The following CNOT1 variants were observed in gnomAD, a reference collection of about 807,000 sequenced individuals.
The protein encoded by CNOT1 is CCR4-associated factor 1.
A neutral mutation model predicts 273.8 loss-of-function variants in CNOT1; 15 were observed. The observed-to-expected ratio is 0.05, with a 90% CI of 0.04 to 0.08. The LOEUF (loss-of-function observed/expected upper bound fraction) is 0.08. Among genes scored for constraint, CNOT1 ranks in the 10% least tolerant of loss-of-function variants. CNOT1 has a pLI of 1.00. For synonymous variants in CNOT1, 1,022 were observed against 1,005.5 expected (o/e 1.02, Z -0.31); for missense variants, 1,644 against 2,912.2 (o/e 0.56, Z 10.02).
intron 16 of CNOT1, among the ~76,000 whole-genome samples, chr16:58,565,538 T>C (rs1203241918): frequency 6.6e-6 from 1 of 152,244 alleles, no homozygotes. Flanking sequence ...ATTCCCACAA[T>C]GCTCTTCAAA....
chr16:58,607,275 C>T (rs2152025981), intron 1 of CNOT1, among the ~76,000 whole-genome samples: 1 of 152,198 alleles, frequency 6.6e-6, no homozygotes, highest in East Asian at 1.9e-4. Flanking sequence ...AGATGGCTGG[C>T]CAGGACTAGG....
intron 1 of CNOT1, among the ~76,000 whole-genome samples, chr16:58,609,319 C>T (rs903968698): frequency 1.3e-5 from 2 of 151,866 alleles, no homozygotes; most frequent in Non-Finnish European, 2.9e-5. Context: ...TTGCAGTGAG[C>T]CAAGCTCTTG....
intron 11 of CNOT1, 104 bp from the exon 12 acceptor site, chr16:58,580,864 C>A (rs545714009): frequency 2.0e-4 from 219 of 1,103,612 alleles, no homozygotes; most frequent in Admixed American, 7.2e-4. Context: ...ATTAGCATGG[C>A]AATTTCCCGT....
intron 16 of CNOT1, 51 bp downstream of exon 16, chr16:58,574,558 A>G (rs374226475): frequency 2.7e-6 from 4 of 1,498,306 alleles, no homozygotes; most frequent in Non-Finnish European, 3.6e-6. Flanking sequence ...GTCTACAATT[A>G]TTCATATAAT....
chr16:58,558,844 TTTC>T (rs545938874), intron 17 of CNOT1, among the ~76,000 whole-genome samples, 170 bp from the exon 18 acceptor site: 6 of 152,358 alleles, frequency 3.9e-5, no homozygotes, highest in Middle Eastern at 3.4e-3. Context: ...GTCAGTCACT[TTTC>T]TTACTGTGTC....
intron 45 of CNOT1, among the ~76,000 whole-genome samples, chr16:58,525,664 C>T (rs1431793805): frequency 6.6e-6 from 1 of 152,182 alleles, no homozygotes; most frequent in Non-Finnish European, 1.5e-5. Flanking sequence ...AGTTGCATGG[C>T]ATATACAGAC....
chr16:58,593,281 C>T (rs1411997087), intron 2 of CNOT1, among the ~76,000 whole-genome samples: 1 of 151,984 alleles, frequency 6.6e-6, no homozygotes. Context: ...AAAAATTGGC[C>T]GGGCGCAGTG....
At chr16:58,587,177 A>G (rs1251783242) in intron 6 of CNOT1, 24 bp downstream of exon 6, 3 of 1,609,428 alleles carry the variant, frequency 1.9e-6, no homozygotes, top group African/African-American at 2.7e-5. Flanking sequence ...TCACTTCGTG[A>G]TATTTTTGGA....
At position 58,542,433 on chromosome 16, in the gene CNOT1, C is replaced by G; in HGVS notation, c.4570G>C (p.Ala1524Pro). 6.2e-7 allele frequency: 1 copy of G among 1,614,086 alleles called. No homozygotes were observed. Among genetic ancestry groups the G allele is most frequent in the Non-Finnish European group, 8.5e-7 (1 of 1,180,006 alleles). ...KAGPEMDKRL[A>P]TEFELRKHAR... ...GGCAAATTCTAAACACTTACAGTTG[C>G]TAATCTCTTGTCCATCTCAGGGCCT... The change falls in exon 32 of 49, where the codon GCA becomes CCA. Residue 1524 changes from alanine (A) to proline (P), a missense_variant. Ala to Pro is a conservative substitution (Grantham distance 27). Coordinates refer to ENST00000317147, the MANE Select transcript of CNOT1 (RefSeq NM_016284.5).
In CNOT1 at chr16:58,581,207, T is replaced by C. The variant is rs977849368; in HGVS notation, c.1215+138A>G. ...TATGATAATATTCCTTCAATACTTA[T>C]GGACAGTCCTTGCTTTTCTGTGCTA... On this transcript the variant is annotated intron_variant, in intron 11 of 48. Transcript: ENST00000317147. 1.4e-5 allele frequency: 14 copies of C among 970,056 alleles called. No homozygotes were observed. The African/African-American group carries it at 2.0e-4, about 14-fold the overall frequency. The allele number at this position is 970,056 out of a possible 1,614,324, so 60.1% of individuals were successfully genotyped here. A position where few individuals can be genotyped will look rare whatever the true frequency, so the allele number is the denominator to read the frequency against.
chr16:58,602,553 CAAAAAAAAAAAA>C (rs60230860), intron 1 of CNOT1, among the ~76,000 whole-genome samples: 8 of 57,974 alleles, frequency 1.4e-4, no homozygotes, highest in South Asian at 1.6e-3. Context: ...ACTCTGTCTC[CAAAAAAAAAAAA>C]AAAAAAAAAA....
intron 1 of CNOT1, among the ~76,000 whole-genome samples, chr16:58,626,549 C>A (rs1364783926): frequency 6.6e-6 from 1 of 151,546 alleles, no homozygotes; most frequent in Non-Finnish European, 1.5e-5. Context: ...ATCACGAGGT[C>A]AAGAGTTCGA....
chr16:58,602,112 A>C (rs1432253195), intron 1 of CNOT1, among the ~76,000 whole-genome samples: 1 of 151,550 alleles, frequency 6.6e-6, no homozygotes, highest in Non-Finnish European at 1.5e-5. Context: ...CTTGTTTCCC[A>C]GGCTGGAGTG....
intron 1 of CNOT1, among the ~76,000 whole-genome samples, chr16:58,616,586 A>G (rs1007041633): frequency 2.6e-5 from 4 of 152,164 alleles, no homozygotes; most frequent in African/African-American, 9.6e-5. Context: ...TTTAAAGGAA[A>G]ACAAGATATA....
chr16:58,544,109 T>C (rs541592277), intron 30 of CNOT1, among the ~76,000 whole-genome samples: 5 of 152,312 alleles, frequency 3.3e-5, no homozygotes, highest in South Asian at 2.1e-4. Flanking sequence ...TACACAATAA[T>C]AGATATGTCT....
chr16:58,522,555 A>AGT (rs10701404), intron 47 of CNOT1, among the ~76,000 whole-genome samples: 34,676 of 151,542 alleles, frequency 0.23, 4,285 homozygotes, highest in African/African-American at 0.33. Context: ...CAATTTTTAA[A>AGT]GTGTGTGTGT....
intron 1 of CNOT1, among the ~76,000 whole-genome samples, chr16:58,622,911 C>T (rs1011105850): frequency 6.6e-6 from 1 of 151,518 alleles, no homozygotes; most frequent in Non-Finnish European, 1.5e-5. Context: ...TTTGAAAATC[C>T]TTTTGGCTGG....
Position 58,545,394 on chromosome 16 carries a change from C to G in CNOT1, c.4104G>C (p.Ala1368=). Residue 1368 remains alanine (A), a synonymous_variant, in exon 30 of 49, where the codon GCG becomes GCC. Transcript: ENST00000317147. ...SYHDINVYSL[A]GLAPHITLNP... is the part of the protein sequence containing the mutation. ...TCAGAGTAATGTGTGGTGCCAAGCC[C>G]GCAAGGGAATAGACATTGATGTCGT... The G allele has an allele frequency of 1.9e-6, 3 of 1,613,974 alleles. No homozygotes were observed. The highest frequency in any genetic ancestry group is 2.5e-6 in the Non-Finnish European group (3 of 1,179,892).
At chr16:58,534,440 CA>C (rs2039865678) in intron 39 of CNOT1, 45 bp from the exon 40 acceptor site, 1 of 1,594,924 alleles carries the variant, frequency 6.3e-7, no homozygotes, top group Admixed American at 1.7e-5. Flanking sequence ...GTAACACACA[CA>C]AATAAACTTC....
Sources: allele counts gnomAD v4.1 joint callset (sites outside exome capture counted in the v4.1 genomes callset), GRCh38; gene constraint gnomAD v4.1.1; transcripts MANE v1.5; gene names NCBI Gene and HGNC (gene_info 2026-07-23, HGNC 2026-07-21).